NTNG1: variants seen among roughly 807,000 people sequenced by gnomAD.
NTNG1 encodes netrin G1, also known as netrin-G1.
NTNG1 carries 16 observed loss-of-function variants against 54.0 expected under a neutral mutation model. The observed-to-expected ratio is 0.30, with a 90% CI of 0.20 to 0.45. The LOEUF is 0.45. Among genes scored for constraint, NTNG1 ranks in the 20% least tolerant of loss-of-function variants. The pLI is 1.00. For missense variants in NTNG1, 530 were observed against 678.7 expected (o/e 0.78, Z 2.43); for synonymous variants, 255 against 263.1 (o/e 0.97, Z 0.30).
intron 2 of NTNG1, among the ~76,000 whole-genome samples, chr1:107,207,204 A>G (rs752027402): frequency 2.6e-5 from 4 of 152,144 alleles, no homozygotes; most frequent in East Asian, 3.9e-4. Flanking sequence ...GTTATCCTCT[A>G]TAATAGCAGA....
chr1:107,273,027 A>C (rs1447890827), intron 2 of NTNG1, among the ~76,000 whole-genome samples: 1 of 152,236 alleles, frequency 6.6e-6, no homozygotes, highest in Non-Finnish European at 1.5e-5. Context: ...ATAAAGATGC[A>C]AAGATCAATA....
chr1:107,140,869 G>C (rs1476051093), upstream of NTNG1: 1 of 152,850 alleles, frequency 6.5e-6, no homozygotes, highest in Non-Finnish European at 1.5e-5. Flanking sequence ...AGGAGGCGCG[G>C]AGGAGAGCCG....
intron 2 of NTNG1, among the ~76,000 whole-genome samples, chr1:107,231,085 T>C (rs1361801990): frequency 6.6e-6 from 1 of 152,226 alleles, no homozygotes; most frequent in East Asian, 1.9e-4. Flanking sequence ...TGACTGAGAG[T>C]CTCTGTTTCC....
At chr1:107,344,362 G>C (rs1278927923) in intron 3 of NTNG1, among the ~76,000 whole-genome samples, 2 of 152,008 alleles carry the variant, frequency 1.3e-5, no homozygotes, top group Non-Finnish European at 2.9e-5. Flanking sequence ...GTTTTGTTTT[G>C]TTTTTATTTT....
At chr1:107,243,779 T>C (rs928094462) in intron 2 of NTNG1, among the ~76,000 whole-genome samples, 1 of 152,274 alleles carries the variant, frequency 6.6e-6, no homozygotes, top group South Asian at 2.1e-4. Flanking sequence ...AGTTTTCGTT[T>C]TTTTTTTCAA....
Position 107,430,595 on chromosome 1 carries a change from A to G in NTNG1, c.1088-155A>G. ...AACAGATGCTATTTCCGTGCCAGTCACAACCACCTGTTGCCACCATGTGTT... is the reference window on the plus strand; with the variant it reads ...AACAGATGCTATTTCCGTGCCAGTCGCAACCACCTGTTGCCACCATGTGTT... On this transcript the variant is annotated intron_variant, in intron 5 of 7. Coordinates refer to ENST00000370068, the MANE Select transcript of NTNG1 (RefSeq NM_001113226.3). 3.7e-6 allele frequency: 3 copies of G among 811,424 alleles called. No homozygotes were observed. In the East Asian group the frequency reaches 7.3e-5, roughly 20 times the overall value. 50.3% of individuals were successfully genotyped at this position (811,424 alleles called of 1,614,324 possible). A position where few individuals can be genotyped will look rare whatever the true frequency, so the allele number is the denominator to read the frequency against.
At chr1:107,180,023 C>T (rs925135571) in intron 2 of NTNG1, among the ~76,000 whole-genome samples, 1 of 152,112 alleles carries the variant, frequency 6.6e-6, no homozygotes, top group African/African-American at 2.4e-5. Context: ...ACTCAAGGCC[C>T]TATTGAAACC....
rs1557878548 is a variant in NTNG1 at position 107,297,251 on chromosome 1, A to ATATATATATG, written c.247-27031_247-27030insTATATATATG. Among the ~76,000 whole-genome samples, 98 of 140,312 alleles carry ATATATATATG rather than the reference A, an allele frequency of 7.0e-4. 1 individual carries two copies. Among genetic ancestry groups the ATATATATATG allele is most frequent in the African/African-American group, 2.5e-3 (93 of 37,680 alleles). 92.1% of individuals were successfully genotyped at this position (140,312 alleles called of 152,430 possible). The stretch of plus-strand genomic sequence containing the variant: ...TATATATATATATATATATATGCGC[A>ATATATATATG]CACACACACACACACAGCAGTTAAG... On this transcript the variant is annotated intron_variant, in intron 2 of 7. Transcript: ENST00000370068.
chr1:107,197,846 C>T (rs923259334), intron 2 of NTNG1, among the ~76,000 whole-genome samples: 1 of 151,980 alleles, frequency 6.6e-6, no homozygotes, highest in Non-Finnish European at 1.5e-5. Flanking sequence ...CATTGCCATC[C>T]ACCTGGCCAC....
At chr1:107,177,321 A>T (rs1656716043) in intron 2 of NTNG1, among the ~76,000 whole-genome samples, 1 of 151,766 alleles carries the variant, frequency 6.6e-6, no homozygotes, top group South Asian at 2.1e-4. Context: ...CCCCACTCTC[A>T]TGTCTAAGAA....
At chr1:107,227,525 C>A (rs1413381511) in intron 2 of NTNG1, among the ~76,000 whole-genome samples, 1 of 152,050 alleles carries the variant, frequency 6.6e-6, no homozygotes, top group Admixed American at 6.6e-5. Context: ...CTCGGTTGGT[C>A]CCTTGAGCAA....
chr1:107,156,316 T>C lies in NTNG1; in HGVS notation c.246+7477T>C, dbSNP rs529125251. Among the ~76,000 whole-genome samples the C allele has an allele frequency of 2.6e-5, 4 of 152,294 alleles. No individual in the cohort carries two copies. The East Asian group carries it at 7.7e-4, about 29-fold the overall frequency. ...AACTCAGATACTGAAATCTCTCTCT[T>C]TTTCTGTAGACTATATATGAGAATT... On this transcript the variant is annotated intron_variant, in intron 2 of 7. Coordinates refer to ENST00000370068, the MANE Select transcript of NTNG1 (RefSeq NM_001113226.3).
rs970716833 is a variant in NTNG1, at chr1:107,483,997, C to G, written c.*3157C>G. 6.6e-5 allele frequency among the ~76,000 whole-genome samples: 10 copies of G among 152,166 alleles called. No individual in the cohort carries two copies. Among genetic ancestry groups the G allele is most frequent in the Admixed American group, 4.6e-4 (7 of 15,278 alleles). ...CATTCTGACTCTCCTCCAGCTTTCT[C>G]CCAGATATCAGGAACCTAGAGTTTC... On this transcript the variant is annotated 3_prime_UTR_variant, in exon 8 of 8. Coordinates refer to ENST00000370068, the MANE Select transcript of NTNG1 (RefSeq NM_001113226.3).
intron 2 of NTNG1, among the ~76,000 whole-genome samples, chr1:107,157,930 C>T (rs1303269488): frequency 6.6e-6 from 1 of 152,070 alleles, no homozygotes; most frequent in Non-Finnish European, 1.5e-5. Flanking sequence ...GACTTTTCCA[C>T]ACTCCTCATT....
chr1:107,250,578 AT>A (rs1322017604), intron 2 of NTNG1, among the ~76,000 whole-genome samples: 1 of 144,480 alleles, frequency 6.9e-6, no homozygotes, highest in Non-Finnish European at 1.5e-5. Context: ...AATAAAAAAA[AT>A]AAAAAAAATA....
chr1:107,197,040 A>G (rs931210933), intron 2 of NTNG1, among the ~76,000 whole-genome samples: 4 of 152,022 alleles, frequency 2.6e-5, no homozygotes, highest in Admixed American at 2.6e-4. Flanking sequence ...AACAATGAAT[A>G]TGGTTGTTAT....
intron 3 of NTNG1, among the ~76,000 whole-genome samples, chr1:107,370,485 T>C (rs1670853859): frequency 6.6e-6 from 1 of 151,870 alleles, no homozygotes; most frequent in Non-Finnish European, 1.5e-5. Context: ...TGAACCCAAT[T>C]TGTAGTCTTT....
At chr1:107,348,764 T>C (rs1449584792) in intron 3 of NTNG1, among the ~76,000 whole-genome samples, 1 of 152,254 alleles carries the variant, frequency 6.6e-6, no homozygotes, top group Admixed American at 6.5e-5. Flanking sequence ...CTGATAATGC[T>C]GTGTGCCTTG....
intron 3 of NTNG1, among the ~76,000 whole-genome samples, chr1:107,333,498 T>C (rs1324059612): frequency 1.3e-5 from 2 of 152,032 alleles, no homozygotes; most frequent in Non-Finnish European, 2.9e-5. Context: ...ATTTCTATTT[T>C]ATTGAAGACA....
Sources: gnomAD v4.1 joint callset for allele counts (sites outside exome capture counted in the v4.1 genomes callset) on GRCh38, gnomAD v4.1.1 for gene constraint, MANE v1.5 for transcripts, NCBI Gene and HGNC (gene_info 2026-07-23, HGNC 2026-07-21) for gene names.